The following KAT6A variants were observed in gnomAD, a reference collection of about 807,000 sequenced individuals.
The protein encoded by KAT6A is lysine acetyltransferase 6A, also known as histone acetyltransferase KAT6A.
KAT6A carries 9 observed loss-of-function variants against 198.4 expected under a neutral mutation model. The ratio of observed to expected loss-of-function variants is 0.05; its 90% confidence interval spans 0.03 to 0.08. The LOEUF (loss-of-function observed/expected upper bound fraction) is 0.08, where lower values mean the gene tolerates loss of function less well. Ranked by LOEUF, KAT6A falls within the 10% of genes least tolerant of loss-of-function variation. KAT6A has a pLI of 1.00. For missense variants in KAT6A, 2,077 were observed against 2,509.9 expected (o/e 0.83, Z 3.69); for synonymous variants, 890 against 883.0 (o/e 1.01, Z -0.14).
At position 41,932,838 on chromosome 8, in the gene KAT6A, C is replaced by A. The variant is rs567097029; in HGVS notation, c.5382G>T (p.Leu1794=). The change falls in exon 17 of 17, where the codon CTG becomes CTT. Residue 1794 remains leucine (L), a synonymous_variant. Coordinates refer to ENST00000265713, the MANE Select transcript of KAT6A (RefSeq NM_006766.5). ...TCCCAGCTAAGGGATGAGATGGAGC[C>A]AGCTGAGCCAGTCCTGTATTGGACA... ...VSLSNTGLAQ[L]APSHPLAGTP... is the part of the protein sequence containing the mutation. 1 of 1,614,086 alleles carries A rather than the reference C, an allele frequency of 6.2e-7. No homozygotes were observed. Among genetic ancestry groups the A allele is most frequent in the Non-Finnish European group, 8.5e-7 (1 of 1,180,000 alleles).
chr8:42,048,553 C>G lies in KAT6A; in HGVS notation c.425G>C (p.Gly142Ala). 6.2e-7 allele frequency: 1 copy of G among 1,614,138 alleles called. No homozygotes were observed. The highest frequency in any genetic ancestry group is 1.1e-5 in the South Asian group (1 of 91,078). ...SALFGGSAAS[G>A]FHQQLRLAIK... ...AGCCAATCGTAACTGCTGGTGAAAG[C>G]CAGAGGCAGCACTGCCTCCGAATAA... Residue 142 changes from glycine (G) to alanine (A), a missense_variant, in exon 2 of 17, where the codon GGC becomes GCC. Gly to Ala is a moderately conservative substitution (Grantham distance 60). This residue lies in a region of KAT6A where 185 missense variants were observed against 185.7 expected (regional missense o/e 1.00). Transcript: ENST00000265713.
intron 2 of KAT6A, among the ~76,000 whole-genome samples, chr8:42,016,568 T>C (rs945270618): frequency 6.6e-6 from 1 of 152,172 alleles, no homozygotes; most frequent in African/African-American, 2.4e-5. Context: ...AGATTAACAG[T>C]TGTAAATACA....
At position 42,047,702 on chromosome 8, in the gene KAT6A, T is replaced by C. The variant is rs542951898; in HGVS notation, c.600+676A>G. ...CTGGGATTACAGGCATGAACTACTGTTCCAGACCCTCCAGAACTTTTCTAG... is the reference window on the plus strand; with the variant it reads ...CTGGGATTACAGGCATGAACTACTGCTCCAGACCCTCCAGAACTTTTCTAG... On this transcript the variant is annotated intron_variant, in intron 2 of 16. Transcript: ENST00000265713. Among the ~76,000 whole-genome samples the C allele has an allele frequency of 5.3e-5, 8 of 152,284 alleles. No homozygotes were observed. In the East Asian group the frequency reaches 1.5e-3, roughly 29 times the overall value.
At chr8:42,002,132 C>A (rs1330634161) in intron 2 of KAT6A, among the ~76,000 whole-genome samples, 2 of 152,150 alleles carry the variant, frequency 1.3e-5, no homozygotes, top group East Asian at 3.9e-4. Flanking sequence ...GACCTCACAA[C>A]TGTCCTATGG....
At position 41,960,464 on chromosome 8, in the gene KAT6A, G is replaced by A. The variant is rs527237772; in HGVS notation, c.1483-5053C>T. ...GGAGCTTGCAGTGAGCCAAGATGAC[G>A]CCGCTGTACTCCAGCCTGGGTGACA... On this transcript the variant is annotated intron_variant, in intron 8 of 16. Coordinates refer to ENST00000265713, the MANE Select transcript of KAT6A (RefSeq NM_006766.5). Among the ~76,000 whole-genome samples the A allele has an allele frequency of 9.5e-5, 13 of 136,508 alleles. No homozygotes were observed. The South Asian group carries it at 1.7e-3, about 17-fold the overall frequency. 89.6% of individuals were successfully genotyped at this position (136,508 alleles called of 152,430 possible). A position where few individuals can be genotyped will look rare whatever the true frequency, so the allele number is the denominator to read the frequency against.
chr8:41,967,480 T>G (rs1823567476), intron 8 of KAT6A, among the ~76,000 whole-genome samples: 1 of 121,792 alleles, frequency 8.2e-6, no homozygotes, highest in Non-Finnish European at 1.6e-5. Flanking sequence ...CAGAGTGTGA[T>G]GTTCCCCTTC....
chr8:41,953,225 C>A (rs952413120), intron 9 of KAT6A, among the ~76,000 whole-genome samples: 2 of 148,818 alleles, frequency 1.3e-5, no homozygotes, highest in Admixed American at 1.3e-4. Flanking sequence ...TTCTCTTGAA[C>A]AAAAGTAAAT....
chr8:41,995,477 C>T (rs566627257), intron 2 of KAT6A, among the ~76,000 whole-genome samples: 1 of 152,016 alleles, frequency 6.6e-6, no homozygotes, highest in Admixed American at 6.6e-5. Flanking sequence ...GTGGATGATT[C>T]GGTAACAAGC....
rs750552771 is a variant in KAT6A at position 41,937,134 on chromosome 8, G to A, written c.3352+122C>T. 56 of 699,004 alleles carry A rather than the reference G, an allele frequency of 8.0e-5. 1 individual carries two copies. In the Middle Eastern group the frequency reaches 1.8e-3, roughly 22 times the overall value. The allele number at this position is 699,004 out of a possible 1,614,324, so 43.3% of individuals were successfully genotyped here. On this transcript the variant is annotated intron_variant, in intron 16 of 16. Coordinates refer to ENST00000265713, the MANE Select transcript of KAT6A (RefSeq NM_006766.5). ...TACAACTTTTTAGAGATTGCCAAAC[G>A]TTCCTTTTCTTGCTTAGTGGGTTGT...
intron 2 of KAT6A, among the ~76,000 whole-genome samples, chr8:42,024,394 C>A (rs1045914793): frequency 6.6e-6 from 1 of 152,178 alleles, no homozygotes; most frequent in African/African-American, 2.4e-5. Context: ...GCGTAATGAT[C>A]AAATCAGGGT....
Position 42,048,879 on chromosome 8 carries a change from G to A in KAT6A, c.99C>T (p.Cys33=), listed in dbSNP as rs1196882675. ...AGCCATGGGATGAAGACACAGCATT[G>A]CATATCCTTTCTTCTGAAGGACGCT... is the stretch of plus-strand genomic sequence containing the variant. ...QKQRPSEERI[C]NAVSSSHGLD... The change falls in exon 2 of 17, where the codon TGC becomes TGT. Residue 33 remains cysteine (C), a synonymous_variant. Transcript: ENST00000265713. 1 of 1,613,956 alleles carries A rather than the reference G, an allele frequency of 6.2e-7. No individual in the cohort carries two copies. Among genetic ancestry groups the A allele is most frequent in the African/African-American group, 1.3e-5 (1 of 74,894 alleles).
chr8:42,050,442 G>A (rs1802552289), intron 1 of KAT6A, among the ~76,000 whole-genome samples: 2 of 152,168 alleles, frequency 1.3e-5, no homozygotes, highest in Admixed American at 6.5e-5. Flanking sequence ...TATAAACAAT[G>A]CTAGACAAAT....
At chr8:42,034,572 G>A (rs756421469) in intron 2 of KAT6A, among the ~76,000 whole-genome samples, 5 of 152,296 alleles carry the variant, frequency 3.3e-5, no homozygotes, top group South Asian at 4.1e-4. Context: ...GAGCACTTAT[G>A]TGCTAAACAC....
At chr8:41,938,860 T>C (rs1402915858) in intron 15 of KAT6A, among the ~76,000 whole-genome samples, 1 of 150,768 alleles carries the variant, frequency 6.6e-6, no homozygotes, top group Admixed American at 6.6e-5. Context: ...GGTGGGAGCG[T>C]TGCTTGCATC....
intron 2 of KAT6A, among the ~76,000 whole-genome samples, chr8:42,003,215 A>G (rs1358975008): frequency 6.6e-6 from 1 of 152,144 alleles, no homozygotes; most frequent in Non-Finnish European, 1.5e-5. Context: ...CCGAGGAGAA[A>G]CGGTTGTTTC....
intron 7 of KAT6A, among the ~76,000 whole-genome samples, chr8:41,976,704 A>G (rs985895924): frequency 2.0e-5 from 3 of 152,160 alleles, no homozygotes; most frequent in African/African-American, 7.2e-5. Flanking sequence ...AATTTGTGAA[A>G]TGTAAAGTAA....
At chr8:41,946,743 T>C in intron 11 of KAT6A, 59 bp from the exon 12 acceptor site, 1 of 1,011,996 alleles carries the variant, frequency 9.9e-7, no homozygotes, top group East Asian at 2.4e-5. Context: ...AATAATAACG[T>C]GAATTAAGAA....
intron 2 of KAT6A, among the ~76,000 whole-genome samples, chr8:42,006,993 C>CT (rs1825781671): frequency 1.4e-5 from 1 of 72,164 alleles, no homozygotes; most frequent in Admixed American, 1.4e-4. Flanking sequence ...AAGACTCCAT[C>CT]TCAAAAAAAA....
At chr8:41,958,633 T>C (rs990822080) in intron 8 of KAT6A, among the ~76,000 whole-genome samples, 1 of 152,214 alleles carries the variant, frequency 6.6e-6, no homozygotes, top group African/African-American at 2.4e-5. Context: ...ATTCTGAATT[T>C]TTCTGATTTT....
Sources: gnomAD v4.1 joint callset for allele counts (sites outside exome capture counted in the v4.1 genomes callset) on GRCh38, gnomAD v4.1.1 for gene constraint, gnomAD v4.1.1 regional missense constraint, MANE v1.5 for transcripts, NCBI Gene and HGNC (gene_info 2026-07-23, HGNC 2026-07-21) for gene names.